The following SCFD2 variants were observed in gnomAD, a reference collection of about 807,000 sequenced individuals.
SCFD2 encodes the protein sec1 family domain-containing protein 2.
SCFD2 carries 54 observed loss-of-function variants against 58.9 expected under a neutral mutation model. The ratio of observed to expected loss-of-function variants is 0.92; its 90% confidence interval spans 0.74 to 1.15. The LOEUF (loss-of-function observed/expected upper bound fraction) is 1.15. Ranked by LOEUF, SCFD2 falls within the 50% of genes most tolerant of loss-of-function variation. The pLI is 0.00. For missense variants in SCFD2, 805 were observed against 836.6 expected (o/e 0.96, Z 0.47); for synonymous variants, 321 against 335.9 (o/e 0.96, Z 0.49).
chr4:53,308,226 G>A (rs1732576704), intron 3 of SCFD2, among the ~76,000 whole-genome samples: 1 of 152,184 alleles, frequency 6.6e-6, no homozygotes, highest in African/African-American at 2.4e-5. Flanking sequence ...TATAGTACCT[G>A]AAACAAAGTA....
intron 5 of SCFD2, among the ~76,000 whole-genome samples, chr4:52,961,315 T>C (rs948885629): frequency 2.0e-5 from 3 of 152,148 alleles, no homozygotes; most frequent in Non-Finnish European, 2.9e-5. Context: ...CCGAAGCTAC[T>C]GGCGGCCATT....
chr4:53,340,333 G>A (rs1325197663), intron 2 of SCFD2, among the ~76,000 whole-genome samples: 1 of 152,196 alleles, frequency 6.6e-6, no homozygotes, highest in Non-Finnish European at 1.5e-5. Context: ...TGGCTTGGAG[G>A]GTCCCACGCC....
intron 4 of SCFD2, among the ~76,000 whole-genome samples, chr4:53,242,279 C>G (rs1444299290): frequency 6.6e-6 from 1 of 152,190 alleles, no homozygotes; most frequent in African/African-American, 2.4e-5. Context: ...TAAGTGCAGC[C>G]GGTTCCTAAC....
chr4:52,900,839 G>T (rs1719175761), intron 7 of SCFD2, among the ~76,000 whole-genome samples: 1 of 152,184 alleles, frequency 6.6e-6, no homozygotes, highest in African/African-American at 2.4e-5. Context: ...CCTGAGCAAT[G>T]GCGGGCACCC....
intron 5 of SCFD2, among the ~76,000 whole-genome samples, chr4:52,976,884 C>T (rs929356480): frequency 6.6e-6 from 1 of 152,142 alleles, no homozygotes; most frequent in African/African-American, 2.4e-5. Context: ...CATTTACTAG[C>T]TGGATAATGT....
At chr4:53,215,575 T>A (rs1398540183) in intron 4 of SCFD2, among the ~76,000 whole-genome samples, 1 of 152,080 alleles carries the variant, frequency 6.6e-6, no homozygotes, top group Admixed American at 6.6e-5. Flanking sequence ...TAGATATACA[T>A]TCATGTCATC....
At chr4:53,210,608 A>G (rs1728577109) in intron 4 of SCFD2, among the ~76,000 whole-genome samples, 1 of 152,030 alleles carries the variant, frequency 6.6e-6, no homozygotes, top group Admixed American at 6.5e-5. Context: ...TTCTGTTCTG[A>G]AAAACATATT....
chr4:53,345,335 C>T (rs1045935008), intron 2 of SCFD2, among the ~76,000 whole-genome samples: 2 of 152,142 alleles, frequency 1.3e-5, no homozygotes, highest in African/African-American at 4.8e-5. Flanking sequence ...AGCCAACAGA[C>T]ACATGAAAAA....
intron 2 of SCFD2, among the ~76,000 whole-genome samples, chr4:53,319,202 C>T (rs1408178540): frequency 6.6e-6 from 1 of 152,188 alleles, no homozygotes; most frequent in Non-Finnish European, 1.5e-5. Context: ...AGTAGATCCA[C>T]ATTAATTCCG....
chr4:52,905,032 C>T (rs1285062708), intron 7 of SCFD2, among the ~76,000 whole-genome samples: 1 of 152,178 alleles, frequency 6.6e-6, no homozygotes, highest in Admixed American at 6.5e-5. Flanking sequence ...TTGGCTGAAC[C>T]GTGATACACA....
chr4:53,078,053 C>T (rs1192620751), intron 5 of SCFD2, among the ~76,000 whole-genome samples: 7 of 152,024 alleles, frequency 4.6e-5, no homozygotes, highest in African/African-American at 1.7e-4. Context: ...GTTGATTTTT[C>T]GAAATCCTCT....
At chr4:53,169,922 T>C (rs1312304490) in intron 4 of SCFD2, among the ~76,000 whole-genome samples, 2 of 152,238 alleles carry the variant, frequency 1.3e-5, no homozygotes, top group Non-Finnish European at 2.9e-5. Flanking sequence ...TTAAATATTC[T>C]GGATATTACA....
chr4:53,226,048 T>G (rs770422200), intron 4 of SCFD2, among the ~76,000 whole-genome samples: 26 of 152,334 alleles, frequency 1.7e-4, no homozygotes, highest in Admixed American at 8.5e-4. Context: ...GAGATCATCC[T>G]GCCTTGGCCT....
At chr4:53,152,711 T>C (rs1269624296) in intron 4 of SCFD2, among the ~76,000 whole-genome samples, 1 of 152,200 alleles carries the variant, frequency 6.6e-6, no homozygotes, top group Non-Finnish European at 1.5e-5. Flanking sequence ...AGTCTCATCA[T>C]AGACTCAAAG....
chr4:53,053,187 T>C (rs1001658486), intron 5 of SCFD2, among the ~76,000 whole-genome samples: 2 of 147,508 alleles, frequency 1.4e-5, no homozygotes, highest in Admixed American at 1.4e-4. Context: ...ATCATGCCAC[T>C]GCACTCCAGC....
At chr4:53,088,417 G>A (rs1023601795) in intron 5 of SCFD2, among the ~76,000 whole-genome samples, 1 of 152,200 alleles carries the variant, frequency 6.6e-6, no homozygotes, top group Admixed American at 6.5e-5. Context: ...AGCAGTTCTT[G>A]AAGGCAGGAG....
rs570875534 is a variant in SCFD2 at position 53,010,820 on chromosome 4, C to T, written c.1562-89950G>A. On this transcript the variant is annotated intron_variant, in intron 5 of 8. Coordinates refer to ENST00000401642, the MANE Select transcript of SCFD2 (RefSeq NM_152540.4). ...AGCCTCTCCAACATATGTCTTTACACTCTCAGGACGTTCCTCAGATCCCAA... is the reference window on the plus strand; with the variant it reads ...AGCCTCTCCAACATATGTCTTTACATTCTCAGGACGTTCCTCAGATCCCAA... Among the ~76,000 whole-genome samples, 4 of 152,298 alleles carry T rather than the reference C, an allele frequency of 2.6e-5. No individual in the cohort carries two copies. In the East Asian group the frequency reaches 7.7e-4, roughly 29 times the overall value.
At chr4:53,316,046 C>T (rs976413412) in intron 2 of SCFD2, among the ~76,000 whole-genome samples, 3 of 152,178 alleles carry the variant, frequency 2.0e-5, no homozygotes, top group Admixed American at 6.6e-5. Context: ...CTCTCTCTCC[C>T]TCCAGGTATC....
intron 5 of SCFD2, among the ~76,000 whole-genome samples, chr4:53,099,946 T>C (rs1724785054): frequency 6.6e-6 from 1 of 152,158 alleles, no homozygotes; most frequent in Admixed American, 6.5e-5. Context: ...AGACACTGAA[T>C]TGAACCTCAT....
Sources: allele counts gnomAD v4.1 joint callset (sites outside exome capture counted in the v4.1 genomes callset), GRCh38; gene constraint gnomAD v4.1.1; transcripts MANE v1.5; gene names NCBI Gene and HGNC (gene_info 2026-07-23, HGNC 2026-07-21).